Variants in CDH22 observed in about 807,000 individuals in gnomAD.
The protein encoded by CDH22 is cadherin 22.
In CDH22, 30 loss-of-function variants were observed where a neutral mutation model predicts 58.4. That is an observed-to-expected ratio of 0.51 (90% confidence interval 0.38 to 0.70). The LOEUF (loss-of-function observed/expected upper bound fraction) is 0.70. Among genes scored for constraint, CDH22 ranks in the 30% least tolerant of loss-of-function variants. The pLI is 0.00. For missense variants in CDH22, 1,014 were observed against 1,233.9 expected, an observed-to-expected ratio of 0.82 and a Z score of 2.67; for synonymous variants, 513 against 558.2, an observed-to-expected ratio of 0.92 and a Z score of 1.14.
chr20:46,281,114 T>A, intron 1 of CDH22, among the ~76,000 whole-genome samples: 1 of 152,162 alleles, frequency 6.6e-6, no homozygotes, highest in African/African-American at 2.4e-5. Context: ...AACTCTACCT[T>A]TAGGGCAGTA....
chr20:46,237,931 C>T (rs1404373392), intron 3 of CDH22, among the ~76,000 whole-genome samples: 3 of 152,164 alleles, frequency 2.0e-5, no homozygotes, highest in African/African-American at 7.2e-5. Flanking sequence ...CTCAGTGTTC[C>T]CATCTGCTCA....
At chr20:46,246,254 G>A (rs2086327809) in intron 2 of CDH22, among the ~76,000 whole-genome samples, 1 of 152,142 alleles carries the variant, frequency 6.6e-6, no homozygotes, top group African/African-American at 2.4e-5. Flanking sequence ...CCGGGATGAG[G>A]GGTCTGTTCA....
chr20:46,271,266 C>T (rs181436685), intron 1 of CDH22, among the ~76,000 whole-genome samples: 11 of 152,292 alleles, frequency 7.2e-5, no homozygotes, highest in African/African-American at 2.6e-4. Context: ...TCTATTCTTC[C>T]TCTTTGCAAC....
chr20:46,181,752 C>G (rs8182687), intron 10 of CDH22, among the ~76,000 whole-genome samples: 1 of 26,264 alleles, frequency 3.8e-5, no homozygotes, highest in African/African-American at 1.3e-4. Flanking sequence ...TCCTTCCTTC[C>G]TTCTTTCTTT....
intron 2 of CDH22, among the ~76,000 whole-genome samples, chr20:46,248,880 G>C (rs1281075602): frequency 6.6e-6 from 1 of 152,084 alleles, no homozygotes; most frequent in Admixed American, 6.6e-5. Flanking sequence ...TTCAACTCTT[G>C]GCCATGCCAC....
chr20:46,195,173 A>G (rs2085890101), intron 8 of CDH22, among the ~76,000 whole-genome samples: 3 of 152,236 alleles, frequency 2.0e-5, no homozygotes, highest in Non-Finnish European at 4.4e-5. Context: ...CCATGCGACT[A>G]GAAGCATTTC....
At chr20:46,208,693 A>G (rs1377422049) in intron 7 of CDH22, among the ~76,000 whole-genome samples, 1 of 152,192 alleles carries the variant, frequency 6.6e-6, no homozygotes, top group Non-Finnish European at 1.5e-5. Flanking sequence ...CTCCGGGTTC[A>G]AGCGATTCTC....
chr20:46,259,095 C>T (rs910009044), intron 1 of CDH22, among the ~76,000 whole-genome samples: 1 of 152,210 alleles, frequency 6.6e-6, no homozygotes, highest in Admixed American at 6.5e-5. Context: ...AGGGTAGAGA[C>T]ATCCATTCCT....
chr20:46,179,859 C>T (rs186321762), intron 10 of CDH22, among the ~76,000 whole-genome samples: 4 of 152,304 alleles, frequency 2.6e-5, no homozygotes, highest in East Asian at 1.9e-4. Context: ...GTGCTGCACC[C>T]GCTGCCGGCT....
intron 10 of CDH22, among the ~76,000 whole-genome samples, 182 bp downstream of exon 10, chr20:46,186,406 C>G (rs908067995): frequency 6.6e-6 from 1 of 151,706 alleles, no homozygotes; most frequent in African/African-American, 2.4e-5. Flanking sequence ...CTCCACCAAC[C>G]CACACCCTGC....
rs1324971213 is a variant in CDH22 at position 46,300,779 on chromosome 20, C to T, written c.-400+7476G>A. Among the ~76,000 whole-genome samples, 2 of 152,210 alleles carry T rather than the reference C, an allele frequency of 1.3e-5. No homozygotes were observed. Among genetic ancestry groups the T allele is most frequent in the African/African-American group, 4.8e-5 (2 of 41,472 alleles). The stretch of plus-strand genomic sequence containing the variant: ...CTGGTGAGCGCCACACGACTCCTGC[C>T]AAAAACGTCCCAGTGGTCCCTGAAG... On this transcript the variant is annotated intron_variant, in intron 1 of 11. Transcript: ENST00000537909. This position sits in a 1 kb window ranked among gnomAD's most constrained non-coding sequence, Gnocchi z 4.4.
chr20:46,296,627 T>A (rs557388335), intron 1 of CDH22, among the ~76,000 whole-genome samples: 51 of 152,108 alleles, frequency 3.4e-4, no homozygotes, highest in Admixed American at 4.6e-4. Context: ...CCTGGAGCAA[T>A]GGCCTAGCGG....
intron 9 of CDH22, 26 bp downstream of exon 9, chr20:46,186,800 C>T (rs777965016): frequency 5.0e-6 from 8 of 1,596,412 alleles, no homozygotes; most frequent in African/African-American, 1.3e-5. Flanking sequence ...GGAAGCAACG[C>T]CCAGTCCCCA....
At chr20:46,260,420 C>T (rs985484574) in intron 1 of CDH22, among the ~76,000 whole-genome samples, 1 of 152,164 alleles carries the variant, frequency 6.6e-6, no homozygotes, top group Admixed American at 6.5e-5. Context: ...CTCCCTCAGG[C>T]CTGTCTGGCT....
chr20:46,183,148 C>T (rs1328212249), intron 10 of CDH22, among the ~76,000 whole-genome samples: 2 of 152,174 alleles, frequency 1.3e-5, no homozygotes, highest in Non-Finnish European at 2.9e-5. Flanking sequence ...TACTACTGGA[C>T]TAATGAATAG....
In CDH22 at chr20:46,174,473, T is replaced by C; in HGVS notation, c.*33A>G. On this transcript the variant is annotated 3_prime_UTR_variant, in exon 12 of 12. Coordinates refer to ENST00000537909, the MANE Select transcript of CDH22 (RefSeq NM_021248.3). This position sits in a 1 kb window ranked among gnomAD's most constrained non-coding sequence, Gnocchi z 4.4. The stretch of plus-strand genomic sequence containing the variant: ...GGGGCCCCGGCGTGTGCTGGGCGGG[T>C]GAGCAGCCGCGCCCCGACGGCAGGG... 7.2e-7 allele frequency: 1 copy of C among 1,392,100 alleles called. No homozygotes were observed. Among genetic ancestry groups the C allele is most frequent in the Non-Finnish European group, 9.4e-7 (1 of 1,067,344 alleles). 86.2% of individuals were successfully genotyped at this position (1,392,100 alleles called of 1,614,324 possible). A position where few individuals can be genotyped will look rare whatever the true frequency, so the allele number is the denominator to read the frequency against.
intron 1 of CDH22, among the ~76,000 whole-genome samples, chr20:46,301,667 C>A (rs995380522): frequency 6.6e-6 from 1 of 151,730 alleles, no homozygotes; most frequent in East Asian, 1.9e-4. Context: ...AAAAATTGGC[C>A]GGGTGTTGTG....
chr20:46,294,285 G>C (rs1178524114), intron 1 of CDH22, among the ~76,000 whole-genome samples: 1 of 152,128 alleles, frequency 6.6e-6, no homozygotes, highest in African/African-American at 2.4e-5. Context: ...AAACGAAGTG[G>C]GTTCTGTTCT....
intron 11 of CDH22, among the ~76,000 whole-genome samples, chr20:46,176,949 G>C (rs2085744704): frequency 6.6e-6 from 1 of 152,220 alleles, no homozygotes; most frequent in Non-Finnish European, 1.5e-5. Context: ...GCAGAACTTT[G>C]TTTGCACTGC....
Sources: allele counts gnomAD v4.1 joint callset (sites outside exome capture counted in the v4.1 genomes callset), GRCh38; gene constraint gnomAD v4.1.1; non-coding constraint Gnocchi (gnomAD v3.1); transcripts MANE v1.5; gene names NCBI Gene and HGNC (gene_info 2026-07-23, HGNC 2026-07-21).